EP300: variants seen among roughly 807,000 people sequenced by gnomAD.
EP300 encodes histone acetyltransferase p300.
Under a neutral mutation model 264.0 loss-of-function variants are expected in EP300, and 31 were observed. The observed-to-expected ratio is 0.12, with a 90% CI of 0.09 to 0.16. The LOEUF (loss-of-function observed/expected upper bound fraction) is 0.16. Ranked by LOEUF, EP300 falls within the 10% of genes least tolerant of loss-of-function variation. The probability of loss-of-function intolerance (pLI) is 1.00; values close to 1 mark genes in which losing one functional copy is unlikely to be tolerated. For missense variants in EP300, 2,766 were observed against 3,052.9 expected, an observed-to-expected ratio of 0.91 and a Z score of 2.21; for synonymous variants, 1,340 against 1,045.4, an observed-to-expected ratio of 1.28 and a Z score of -5.44.
At position 41,141,207 on chromosome 22, in the gene EP300, C is replaced by T. The variant is rs762389769; in HGVS notation, c.2038C>T (p.Pro680Ser). Reference sequence around the variant, plus strand: ...AGGGCCTAACATGGGACAGCCGCAACCAGGAATGACTTCTAGTAAGTGGTT... The same window carrying T: ...AGGGCCTAACATGGGACAGCCGCAATCAGGAATGACTTCTAGTAAGTGGTT... ...NPGPNMGQPQPGMTSNGPLPD... is the reference protein window; with the variant it reads ...NPGPNMGQPQSGMTSNGPLPD... The change falls in exon 10 of 31, where the codon CCA becomes TCA. Residue 680 changes from proline (P) to serine (S), a missense_variant. Transcript: ENST00000263253. The T allele has an allele frequency of 1.2e-6, 2 of 1,614,040 alleles. No homozygotes were observed. The highest frequency in any genetic ancestry group is 1.1e-5 in the South Asian group (1 of 91,058).
intron 1 of EP300, among the ~76,000 whole-genome samples, chr22:41,113,301 G>T (rs1408429909): frequency 6.6e-6 from 1 of 151,794 alleles, no homozygotes; most frequent in Non-Finnish European, 1.5e-5. Context: ...AAAGTTGATA[G>T]TATTGCTTTA....
chr22:41,170,259 GT>G, intron 26 of EP300, 146 bp from the exon 27 acceptor site: 8 of 721,674 alleles, frequency 1.1e-5, no homozygotes, highest in Non-Finnish European at 1.8e-5. Flanking sequence ...GCCTCACAAT[GT>G]TAATCTCATT....
chr22:41,167,578 GTGTGTGTA>G (rs1474223470), intron 23 of EP300, among the ~76,000 whole-genome samples: 4 of 27,686 alleles, frequency 1.4e-4, no homozygotes, highest in African/African-American at 1.5e-4. Flanking sequence ...GTGTGTGTGT[GTGTGTGTA>G]TATATATATA....
At chr22:41,146,432 G>A (rs1601616850) in intron 10 of EP300, 1 of 361,096 alleles carries the variant, frequency 2.8e-6, no homozygotes, top group East Asian at 6.9e-5. Context: ...CTCCCAAAGT[G>A]CCAGGATTAC....
Position 41,131,468 on chromosome 22 carries a change from A to G in EP300, c.1363A>G (p.Thr455Ala). 1.2e-6 allele frequency: 2 copies of G among 1,614,084 alleles called. No individual in the cohort carries two copies. The highest frequency in any genetic ancestry group is 1.7e-6 in the Non-Finnish European group (2 of 1,180,022). The change falls in exon 6 of 31, where the codon ACT (threonine) becomes GCT (alanine). Residue 455 changes from threonine to alanine, a missense_variant. Transcript: ENST00000263253. ...TCAACAGTCTGCCCCCAACCTAAGCACTGTTAGTCAGATTGATCCCAGCTC... is the reference window on the plus strand; with the variant it reads ...TCAACAGTCTGCCCCCAACCTAAGCGCTGTTAGTCAGATTGATCCCAGCTC... ...VGQQSAPNLS[T>A]VSQIDPSSIE...
rs1354580969 is a variant in EP300, at chr22:41,178,498, C to T, written c.6787C>T (p.Arg2263Ter). 3 of 1,614,082 alleles carry T rather than the reference C, an allele frequency of 1.9e-6. No homozygotes were observed. The highest frequency in any genetic ancestry group is 1.3e-5 in the African/African-American group (1 of 75,014). The change falls in exon 31 of 31, where the codon CGA becomes TGA. Residue 2263 changes from arginine (R) to a stop codon, truncating the protein, a stop_gained. Coordinates refer to ENST00000263253, the MANE Select transcript of EP300 (RefSeq NM_001429.4). LOFTEE classifies it high-confidence loss of function. ...AGASLQAYQQRLLQQQMGSPV... is the reference protein window; with the variant it reads ...AGASLQAYQQ ...TGCCAGTCTACAGGCCTATCAGCAG[C>T]GACTCCTTCAGCAACAGATGGGGTC...
At chr22:41,163,327 T>C (rs1264497167) in intron 21 of EP300, among the ~76,000 whole-genome samples, 2 of 146,054 alleles carry the variant, frequency 1.4e-5, no homozygotes, top group South Asian at 2.2e-4. Flanking sequence ...CCCAGCTACT[T>C]GGGAGGCTGA....
chr22:41,146,165 ATTTTTT>A (rs130087), intron 10 of EP300, among the ~76,000 whole-genome samples: 1 of 139,072 alleles, frequency 7.2e-6, no homozygotes, highest in East Asian at 2.1e-4. Flanking sequence ...GATGGCCTCA[ATTTTTT>A]TTTTTTTTTT....
chr22:41,130,808 T>A (rs78198686), intron 5 of EP300, among the ~76,000 whole-genome samples: 4 of 139,850 alleles, frequency 2.9e-5, no homozygotes, highest in Non-Finnish European at 4.8e-5. Context: ...ATAGAAGAGC[T>A]TTTTTTTTTT....
At position 41,092,882 on chromosome 22, in the gene EP300, C is replaced by T. The variant is rs2058680783; in HGVS notation, c.-123C>T. On this transcript the variant is annotated 5_prime_UTR_variant, in exon 1 of 31. Transcript: ENST00000263253. ...CGAAGAGAAAAAGGAACTTCCCCCA[C>T]CCCCTCGGGTGCCGTCGGAGCCCCC... is the stretch of plus-strand genomic sequence containing the variant. 2.9e-6 allele frequency: 3 copies of T among 1,019,896 alleles called. No homozygotes were observed. The highest frequency in any genetic ancestry group is 3.4e-5 in the Admixed American group (2 of 58,430). 63.2% of individuals were successfully genotyped at this position (1,019,896 alleles called of 1,614,324 possible).
chr22:41,172,464 T>C (rs2059176219), intron 27 of EP300, 35 bp from the exon 28 acceptor site: 2 of 1,554,194 alleles, frequency 1.3e-6, no homozygotes, highest in Non-Finnish European at 1.8e-6. Flanking sequence ...TAAAAGAACA[T>C]AGAAATTCCT....
At chr22:41,144,887 T>C (rs1479203536) in intron 10 of EP300, among the ~76,000 whole-genome samples, 1 of 152,060 alleles carries the variant, frequency 6.6e-6, no homozygotes. Context: ...AGTCTGAATT[T>C]CTGGCTGCTT....
chr22:41,161,097 A>G (rs1052109783), intron 20 of EP300, among the ~76,000 whole-genome samples: 16 of 152,238 alleles, frequency 1.1e-4, no homozygotes, highest in African/African-American at 3.9e-4. Flanking sequence ...GGAGGTTAGT[A>G]CAAGAAAACA....
chr22:41,178,970 TA>T lies in EP300; in HGVS notation c.*15del. 6 of 1,612,752 alleles carry T rather than the reference TA, an allele frequency of 3.7e-6. No individual in the cohort carries two copies. In the Admixed American group the frequency reaches 1.0e-4, roughly 27 times the overall value. ...GACATACACTAGAGACACCTTGTAG[TA>T]TTTTGGGAGCAAAAAAATTATTTTC... On this transcript the variant is annotated 3_prime_UTR_variant, in exon 31 of 31. Transcript: ENST00000263253.
intron 1 of EP300, among the ~76,000 whole-genome samples, chr22:41,101,686 C>G (rs1342746598): frequency 6.6e-6 from 1 of 152,134 alleles, no homozygotes; most frequent in Non-Finnish European, 1.5e-5. Context: ...GCTGGGATTA[C>G]AGGGGTAAGC....
chr22:41,096,516 A>G (rs5758225), intron 1 of EP300, among the ~76,000 whole-genome samples: 1 of 151,918 alleles, frequency 6.6e-6, no homozygotes, highest in African/African-American at 2.4e-5. Context: ...TTTCAAAGAC[A>G]CAGGGCAGAT....
chr22:41,164,204 A>T, intron 22 of EP300, 74 bp downstream of exon 22: 1 of 1,289,552 alleles, frequency 7.8e-7, no homozygotes, highest in Non-Finnish European at 1.1e-6. Flanking sequence ...TATTCTATGC[A>T]ATTGACTGTA....
chr22:41,156,978 C>T (rs2059080967), intron 17 of EP300, among the ~76,000 whole-genome samples, 191 bp from the exon 18 acceptor site: 1 of 152,040 alleles, frequency 6.6e-6, no homozygotes, highest in Non-Finnish European at 1.5e-5. Context: ...GTTTCTCTGC[C>T]CTTTGAGTAG....
intron 1 of EP300, among the ~76,000 whole-genome samples, chr22:41,099,567 A>G (rs2058720021): frequency 6.6e-6 from 1 of 152,210 alleles, no homozygotes; most frequent in African/African-American, 2.4e-5. Flanking sequence ...CAGCAAAACT[A>G]TCACGAATTT....
Sources: gnomAD v4.1 joint callset for allele counts (sites outside exome capture counted in the v4.1 genomes callset) on GRCh38, gnomAD v4.1.1 for gene constraint, MANE v1.5 for transcripts, NCBI Gene and HGNC (gene_info 2026-07-23, HGNC 2026-07-21) for gene names.